Variants in CDC16 observed in about 807,000 individuals in gnomAD.
CDC16 encodes cell division cycle protein 16 homolog.
Under a neutral mutation model 87.0 loss-of-function variants are expected in CDC16, and 34 were observed. The ratio of observed to expected loss-of-function variants is 0.39; its 90% confidence interval spans 0.30 to 0.52. The LOEUF (loss-of-function observed/expected upper bound fraction) is 0.52, where lower values mean the gene tolerates loss of function less well. Ranked by LOEUF, CDC16 falls within the 20% of genes least tolerant of loss-of-function variation. The pLI, the probability that CDC16 is intolerant of heterozygous loss-of-function variation, is 0.74. For synonymous variants in CDC16, 263 were observed against 260.6 expected (o/e 1.01, Z -0.09); for missense variants, 653 against 751.9 (o/e 0.87, Z 1.54).
Position 114,244,294 on chromosome 13 carries a change from AT to A in CDC16, c.767+306del, listed in dbSNP as rs528371320. Among the ~76,000 whole-genome samples the A allele has an allele frequency of 9.8e-3, 1,487 of 152,362 alleles. 22 individuals carry two copies. The highest frequency in any genetic ancestry group is 0.034 in the African/African-American group (1,413 of 41,584). The stretch of plus-strand genomic sequence containing the variant: ...TGTTTTGTAAAATTTATTCTCAATT[AT>A]GAGACTCACACTGTAGATACTAGGT... On this transcript the variant is annotated intron_variant, in intron 8 of 17. Coordinates refer to ENST00000356221, the MANE Select transcript of CDC16 (RefSeq NM_001078645.3).
At chr13:114,236,421 C>T (rs2081252198) in intron 1 of CDC16, among the ~76,000 whole-genome samples, 1 of 152,094 alleles carries the variant, frequency 6.6e-6, no homozygotes, top group African/African-American at 2.4e-5. Flanking sequence ...TCATAAGTTG[C>T]ATATACAAAG....
At chr13:114,245,262 T>TCC (rs3215865) in intron 9 of CDC16, among the ~76,000 whole-genome samples, 15 of 139,364 alleles carry the variant, frequency 1.1e-4, no homozygotes, top group South Asian at 2.3e-4. Context: ...CAGTTCTGCC[T>TCC]CCCCCCCCCT....
chr13:114,243,875 C>A lies in CDC16; in HGVS notation c.653C>A (p.Thr218Lys). The change falls in exon 8 of 18, where the codon ACG (threonine) becomes AAG (lysine). Residue 218 changes from threonine (T) to lysine (K), a missense_variant. Transcript: ENST00000356221. Reference sequence around the variant, plus strand: ...TTTCAGTATAATAAGCCTAGTGAAACGGTCATCCCTGAATCTGTAGATGGC... The same window carrying A: ...TTTCAGTATAATAAGCCTAGTGAAAAGGTCATCCCTGAATCTGTAGATGGC... ...KLKKYNKPSE[T>K]VIPESVDGLQ... 1 of 1,608,920 alleles carries A rather than the reference C, an allele frequency of 6.2e-7. No individual in the cohort carries two copies. Among genetic ancestry groups the A allele is most frequent in the Non-Finnish European group, 8.5e-7 (1 of 1,176,218 alleles).
At chr13:114,253,580 C>A (rs369826247) in intron 12 of CDC16, among the ~76,000 whole-genome samples, 1 of 151,670 alleles carries the variant, frequency 6.6e-6, no homozygotes, top group Non-Finnish European at 1.5e-5. Flanking sequence ...GTCCCAGCTA[C>A]TCGGGAGGCT....
intron 17 of CDC16, among the ~76,000 whole-genome samples, chr13:114,267,761 C>T (rs2083330148): frequency 6.9e-6 from 1 of 145,360 alleles, no homozygotes; most frequent in African/African-American, 2.9e-5. Context: ...TCAACACTGC[C>T]TTTGGGAGTC....
At chr13:114,259,462 G>A (rs1051427111) in intron 14 of CDC16, 64 bp downstream of exon 14, 9 of 873,952 alleles carry the variant, frequency 1.0e-5, no homozygotes, top group Non-Finnish European at 6.8e-6. Context: ...GTTAAATGAG[G>A]AAAACAACAC....
intron 13 of CDC16, among the ~76,000 whole-genome samples, chr13:114,258,551 AAC>A (rs2082646662): frequency 1.3e-5 from 2 of 152,194 alleles, no homozygotes; most frequent in African/African-American, 4.8e-5. Flanking sequence ...TTACAGAGGA[AAC>A]ACATGTATTA....
At chr13:114,239,275 T>G in intron 4 of CDC16, 75 bp from the exon 5 acceptor site, 1 of 1,536,676 alleles carries the variant, frequency 6.5e-7, no homozygotes, top group Non-Finnish European at 8.8e-7. Context: ...GTATATGTTA[T>G]CCTTTAAAAA....
At chr13:114,249,848 A>T (rs539619547) in intron 11 of CDC16, among the ~76,000 whole-genome samples, 2 of 152,346 alleles carry the variant, frequency 1.3e-5, no homozygotes, top group Non-Finnish European at 2.9e-5. Context: ...GGGTTTTGCT[A>T]CAGTGCATAA....
chr13:114,242,635 C>G (rs552359314), intron 6 of CDC16: 3 of 195,914 alleles, frequency 1.5e-5, no homozygotes, highest in South Asian at 2.5e-4. Context: ...AGAGCAGATG[C>G]TTTAAAGCTC....
chr13:114,236,363 A>G (rs957148036), intron 1 of CDC16, among the ~76,000 whole-genome samples: 3 of 152,192 alleles, frequency 2.0e-5, no homozygotes, highest in Non-Finnish European at 4.4e-5. Flanking sequence ...TTTCACTTGT[A>G]TGTTTCACGA....
chr13:114,236,779 A>G lies in CDC16; in HGVS notation c.104-20A>G. The G allele has an allele frequency of 6.2e-7, 1 of 1,612,706 alleles. No individual in the cohort carries two copies. The highest frequency in any genetic ancestry group is 1.3e-5 in the African/African-American group (1 of 74,962). On this transcript the variant is annotated intron_variant, in intron 2 of 17. Transcript: ENST00000356221. ...TTTCACCTTGTACCTCTGACCACTT[A>G]TGTGAATTTTTCCCTCCAGAAGAAC... is the stretch of plus-strand genomic sequence containing the variant.
At chr13:114,256,206 A>C (rs1036785884) in intron 12 of CDC16, among the ~76,000 whole-genome samples, 1 of 152,312 alleles carries the variant, frequency 6.6e-6, no homozygotes, top group Non-Finnish European at 1.5e-5. Flanking sequence ...TTACCTTCCA[A>C]AGTTCTGAAA....
intron 11 of CDC16, chr13:114,247,333 AT>A (rs112944628): frequency 0.047 from 8,650 of 182,808 alleles, no homozygotes; most frequent in South Asian, 0.11. Context: ...TGATTTAAAC[AT>A]TTTTTTTTTT....
At chr13:114,243,773 C>T in intron 7 of CDC16, 83 bp from the exon 8 acceptor site, 1 of 1,167,894 alleles carries the variant, frequency 8.6e-7, no homozygotes, top group Non-Finnish European at 1.2e-6. Flanking sequence ...ATGTTTTAAC[C>T]ACTTGGGCCA....
intron 3 of CDC16, among the ~76,000 whole-genome samples, 164 bp downstream of exon 3, chr13:114,237,060 G>C (rs1416098592): frequency 6.6e-6 from 1 of 151,902 alleles, no homozygotes; most frequent in East Asian, 1.9e-4. Context: ...CCCCATCTCC[G>C]CTAAAAATAC....
intron 5 of CDC16, among the ~76,000 whole-genome samples, chr13:114,241,173 A>G (rs1366323099): frequency 1.1e-4 from 16 of 152,190 alleles, no homozygotes; most frequent in African/African-American, 3.6e-4. Context: ...ACGCCTTACT[A>G]TGTGCTAGCA....
Position 114,256,964 on chromosome 13 carries a change from C to T in CDC16, c.1098-114C>T. On this transcript the variant is annotated intron_variant, in intron 12 of 17. Coordinates refer to ENST00000356221, the MANE Select transcript of CDC16 (RefSeq NM_001078645.3). ...GTAAATTAAGAGAAAAAAGTAAATG[C>T]TGTGTTTTGGCTACCTTTAAATTAT... The T allele has an allele frequency of 6.7e-6, 4 of 600,572 alleles. 1 individual carries two copies. The highest frequency in any genetic ancestry group is 5.5e-5 in the South Asian group (2 of 36,206). The allele number at this position is 600,572 out of a possible 1,614,324, so 37.2% of individuals were successfully genotyped here. A position where few individuals can be genotyped will look rare whatever the true frequency, so the allele number is the denominator to read the frequency against.
intron 7 of CDC16, 75 bp from the exon 8 acceptor site, chr13:114,243,781 C>A: frequency 7.8e-7 from 1 of 1,287,462 alleles, no homozygotes; most frequent in Non-Finnish European, 1.1e-6. Context: ...ACCACTTGGG[C>A]CAAACACAAA....
Sources: gnomAD v4.1 joint callset for allele counts (sites outside exome capture counted in the v4.1 genomes callset) on GRCh38, gnomAD v4.1.1 for gene constraint, MANE v1.5 for transcripts, NCBI Gene and HGNC (gene_info 2026-07-23, HGNC 2026-07-21) for gene names.